The following MYO5A variants were observed in gnomAD, a reference collection of about 807,000 sequenced individuals.
MYO5A encodes the protein myosin VA, also known as unconventional myosin-Va.
A neutral mutation model predicts 249.7 loss-of-function variants in MYO5A; 98 were observed. That is an observed-to-expected ratio of 0.39 (90% CI 0.33 to 0.46). The LOEUF is 0.46. MYO5A is among the 20% of genes least tolerant of loss of function. The pLI, the probability that MYO5A is intolerant of heterozygous loss-of-function variation, is 0.98. For synonymous variants in MYO5A, 778 were observed against 810.6 expected, an observed-to-expected ratio of 0.96 and a Z score of 0.68; for missense variants, 1,696 against 2,308.8, an observed-to-expected ratio of 0.73 and a Z score of 5.44.
chr15:52,325,246 C>T (rs1241986792), intron 36 of MYO5A, among the ~76,000 whole-genome samples: 2 of 152,158 alleles, frequency 1.3e-5, no homozygotes, highest in African/African-American at 2.4e-5. Flanking sequence ...CTACACAAGT[C>T]AAACTGCAGA....
Position 52,307,962 on chromosome 15 carries a change from T to C in MYO5A, c.*5734A>G, listed in dbSNP as rs1336039268. ...AAATTCACCATTTGTTGGGAAAAAA[T>C]AATGGCTCAAATGATTTACGGAGCC... On this transcript the variant is annotated 3_prime_UTR_variant, in exon 42 of 42. Transcript: ENST00000399233. 2 of 151,998 alleles carry C rather than the reference T, an allele frequency of 1.3e-5. No homozygotes were observed. Among genetic ancestry groups the C allele is most frequent in the African/African-American group, 4.8e-5 (2 of 41,392 alleles). 9.4% of individuals were successfully genotyped at this position (151,998 alleles called of 1,614,324 possible).
rs2037723693 is a variant in MYO5A, at chr15:52,309,842, GTGTGTGTGTGTA to G, written c.*3842_*3853del. 6.9e-6 allele frequency: 1 copy of G among 144,900 alleles called. No individual in the cohort carries two copies. Among genetic ancestry groups the G allele is most frequent in the Non-Finnish European group, 1.5e-5 (1 of 66,664 alleles). 9.0% of individuals were successfully genotyped at this position (144,900 alleles called of 1,614,324 possible). ...AACTCTATGAATTAGTGACGGGGGT[GTGTGTGTGTGTA>G]TGTGTGTGTGTGTGTGTGTAAGAGA... On this transcript the variant is annotated 3_prime_UTR_variant, in exon 42 of 42. Coordinates refer to ENST00000399233, the MANE Select transcript of MYO5A (RefSeq NM_001382347.1).
intron 21 of MYO5A, among the ~76,000 whole-genome samples, chr15:52,371,073 G>T (rs2041083753): frequency 6.6e-6 from 1 of 151,506 alleles, no homozygotes; most frequent in Non-Finnish European, 1.5e-5. Context: ...TGATTGCACT[G>T]CTGTACTTTA....
At chr15:52,483,471 A>T (rs1567168740) in intron 1 of MYO5A, among the ~76,000 whole-genome samples, 1 of 152,162 alleles carries the variant, frequency 6.6e-6, no homozygotes, top group Non-Finnish European at 1.5e-5. Flanking sequence ...TTTCAGGAGT[A>T]GGGAAGAGAA....
At chr15:52,348,759 TA>T in intron 29 of MYO5A, 58 bp downstream of exon 29, 1 of 1,372,868 alleles carries the variant, frequency 7.3e-7, no homozygotes, top group Non-Finnish European at 1.0e-6. Context: ...GGGATACTTG[TA>T]AACTAAAGTT....
At chr15:52,469,861 G>A (rs2076423911) in intron 1 of MYO5A, among the ~76,000 whole-genome samples, 1 of 152,112 alleles carries the variant, frequency 6.6e-6, no homozygotes, top group African/African-American at 2.4e-5. Flanking sequence ...TCTCCATCAA[G>A]TTGGCTTCCG....
intron 12 of MYO5A, among the ~76,000 whole-genome samples, chr15:52,389,845 T>A (rs1201739305): frequency 1.3e-5 from 2 of 152,056 alleles, no homozygotes. Flanking sequence ...TCCCAGCTAC[T>A]CAGGAGACTG....
At chr15:52,513,636 G>T (rs1351502754) in intron 1 of MYO5A, among the ~76,000 whole-genome samples, 1 of 151,406 alleles carries the variant, frequency 6.6e-6, no homozygotes, top group Admixed American at 6.6e-5. Flanking sequence ...TCAACATGCT[G>T]GCCAGGCTGG....
intron 1 of MYO5A, among the ~76,000 whole-genome samples, chr15:52,451,688 C>T (rs2076023717): frequency 6.6e-6 from 1 of 152,180 alleles, no homozygotes; most frequent in Non-Finnish European, 1.5e-5. Flanking sequence ...CTAGATCAAG[C>T]CTCGAGATTT....
intron 40 of MYO5A, among the ~76,000 whole-genome samples, chr15:52,316,539 G>A (rs1436470226): frequency 2.0e-5 from 3 of 152,156 alleles, no homozygotes; most frequent in Admixed American, 2.0e-4. Context: ...TAAGCTCCTT[G>A]AAGGCAGGAA....
At chr15:52,491,196 C>T (rs1348951837) in intron 1 of MYO5A, among the ~76,000 whole-genome samples, 1 of 152,150 alleles carries the variant, frequency 6.6e-6, no homozygotes, top group Admixed American at 6.5e-5. Flanking sequence ...AAAAAAGGCA[C>T]ATCTCCAAAG....
intron 27 of MYO5A, among the ~76,000 whole-genome samples, chr15:52,352,216 G>C (rs2039988596): frequency 6.6e-6 from 1 of 152,158 alleles, no homozygotes; most frequent in Non-Finnish European, 1.5e-5. Context: ...CCACCAGTTA[G>C]TGCTGCCCAC....
At chr15:52,468,291 G>A (rs2141439068) in intron 1 of MYO5A, among the ~76,000 whole-genome samples, 1 of 152,336 alleles carries the variant, frequency 6.6e-6, no homozygotes, top group Non-Finnish European at 1.5e-5. Context: ...GACAGAATGA[G>A]ATCCTGTCTC....
intron 1 of MYO5A, among the ~76,000 whole-genome samples, chr15:52,451,707 G>T (rs2076024147): frequency 6.6e-6 from 1 of 152,034 alleles, no homozygotes; most frequent in Non-Finnish European, 1.5e-5. Context: ...TTTCTCTCTT[G>T]CTTTTTCTTG....
At chr15:52,469,302 C>G (rs1366725541) in intron 1 of MYO5A, among the ~76,000 whole-genome samples, 1 of 152,248 alleles carries the variant, frequency 6.6e-6, no homozygotes, top group East Asian at 1.9e-4. Context: ...ATAACATAAA[C>G]AGTTGATTAA....
intron 28 of MYO5A, among the ~76,000 whole-genome samples, chr15:52,349,893 C>T (rs2039852177): frequency 6.6e-6 from 1 of 151,634 alleles, no homozygotes; most frequent in South Asian, 2.1e-4. Context: ...GGGGGTTCTT[C>T]TCATTTCTGG....
intron 1 of MYO5A, among the ~76,000 whole-genome samples, chr15:52,500,709 T>C (rs1036428029): frequency 6.6e-6 from 1 of 152,162 alleles, no homozygotes; most frequent in Admixed American, 6.5e-5. Flanking sequence ...CGTTGAGTTG[T>C]AGAAATTCTT....
chr15:52,416,445 G>T, intron 4 of MYO5A, 144 bp from the exon 5 acceptor site: 1 of 774,282 alleles, frequency 1.3e-6, no homozygotes, highest in Non-Finnish European at 2.1e-6. Context: ...CAAGGTCTCA[G>T]GTTCAATCCC....
intron 11 of MYO5A, among the ~76,000 whole-genome samples, chr15:52,393,185 G>A (rs987270858): frequency 1.3e-4 from 20 of 152,062 alleles, no homozygotes; most frequent in African/African-American, 4.6e-4. Context: ...GTCTCCTTTG[G>A]TTCTTTCACA....
Sources: allele counts gnomAD v4.1 joint callset (sites outside exome capture counted in the v4.1 genomes callset), GRCh38; gene constraint gnomAD v4.1.1; transcripts MANE v1.5; gene names NCBI Gene and HGNC (gene_info 2026-07-23, HGNC 2026-07-21).